The following PPP1R14C variants were observed in gnomAD, a reference collection of about 807,000 sequenced individuals.
The protein encoded by PPP1R14C is protein phosphatase 1 regulatory inhibitor subunit 14C, also known as protein phosphatase 1 regulatory subunit 14C.
In PPP1R14C, 16 loss-of-function variants were observed where a neutral mutation model predicts 20.4. The ratio of observed to expected loss-of-function variants is 0.78; its 90% CI spans 0.53 to 1.19. PPP1R14C has a LOEUF of 1.19. PPP1R14C is among the 50% of genes most tolerant of loss of function. The pLI is 0.00. For missense variants in PPP1R14C, 211 were observed against 220.1 expected, an observed-to-expected ratio of 0.96 and a Z score of 0.26; for synonymous variants, 91 against 91.0, an observed-to-expected ratio of 1.00 and a Z score of 0.00.
Position 150,143,052 on chromosome 6 carries a change from C to CGGGCGGCT in PPP1R14C, c.-135_-128dup. On this transcript the variant is annotated 5_prime_UTR_variant, in exon 1 of 4. Transcript: ENST00000361131. The surrounding 1 kb of genome is among the most constrained non-coding windows in gnomAD (Gnocchi z 5.6). ...GCTCCTCCCGCCCTCCCAGAGCAGC[C>CGGGCGGCT]GGGCGGCTGGGCGCGCGCGGCGCAG... 9.3e-7 allele frequency: 1 copy of CGGGCGGCT among 1,070,202 alleles called. No homozygotes were observed. The highest frequency in any genetic ancestry group is 1.1e-6 in the Non-Finnish European group (1 of 888,964). The allele number at this position is 1,070,202 out of a possible 1,614,324, so 66.3% of individuals were successfully genotyped here.
intron 3 of PPP1R14C, among the ~76,000 whole-genome samples, chr6:150,239,524 T>C (rs1349779023): frequency 6.6e-6 from 1 of 152,154 alleles, no homozygotes; most frequent in Non-Finnish European, 1.5e-5. Flanking sequence ...TATTTTAAAC[T>C]GAATGAAAAT....
chr6:150,167,397 G>A (rs1777435868), intron 1 of PPP1R14C, among the ~76,000 whole-genome samples: 1 of 152,066 alleles, frequency 6.6e-6, no homozygotes, highest in Admixed American at 6.6e-5. Context: ...AGCAGAAAGA[G>A]TAGCTTTGAG....
intron 1 of PPP1R14C, among the ~76,000 whole-genome samples, chr6:150,168,733 C>T (rs923594444): frequency 2.0e-5 from 3 of 152,030 alleles, no homozygotes; most frequent in Admixed American, 6.6e-5. Context: ...CAGATAACAC[C>T]AAATAATCAG....
intron 1 of PPP1R14C, among the ~76,000 whole-genome samples, chr6:150,189,003 T>C (rs1582909863): frequency 6.6e-6 from 1 of 151,718 alleles, no homozygotes; most frequent in African/African-American, 2.4e-5. Context: ...GGATCACAGG[T>C]GTGCGCCACC....
intron 1 of PPP1R14C, among the ~76,000 whole-genome samples, chr6:150,156,024 CAAAAAAAAAAAAAAAAA>C (rs67908012): frequency 3.4e-4 from 13 of 38,422 alleles, no homozygotes; most frequent in South Asian, 2.6e-3. Context: ...GACTCTGTCT[CAAAAAAAAAAAAAAAAA>C]AAAAAAAAAA....
At chr6:150,236,125 C>T (rs149596330) in intron 3 of PPP1R14C, among the ~76,000 whole-genome samples, 2 of 152,278 alleles carry the variant, frequency 1.3e-5, no homozygotes, top group African/African-American at 2.4e-5. Flanking sequence ...TATTAACCTA[C>T]GGTTTGAATC....
At chr6:150,174,407 G>T (rs933785182) in intron 1 of PPP1R14C, among the ~76,000 whole-genome samples, 6 of 149,286 alleles carry the variant, frequency 4.0e-5, no homozygotes, top group Middle Eastern at 3.5e-3. Context: ...TAGTAGAGAT[G>T]GGGTTTCACC....
chr6:150,204,302 G>A (rs79104214), intron 1 of PPP1R14C, among the ~76,000 whole-genome samples: 3 of 152,352 alleles, frequency 2.0e-5, no homozygotes, highest in East Asian at 3.9e-4. Context: ...AACCAGCTGT[G>A]CGTGTTTAGT....
chr6:150,155,612 CT>C (rs1777296997), intron 1 of PPP1R14C, among the ~76,000 whole-genome samples: 2 of 152,174 alleles, frequency 1.3e-5, no homozygotes, highest in East Asian at 3.8e-4. Context: ...CTGAGCAAAT[CT>C]TTTTTGTTTG....
intron 3 of PPP1R14C, among the ~76,000 whole-genome samples, chr6:150,231,308 C>T (rs949405744): frequency 3.3e-5 from 5 of 152,186 alleles, no homozygotes; most frequent in Admixed American, 6.5e-5. Flanking sequence ...ATTGCCTCTT[C>T]GATGTCTCCT....
chr6:150,209,727 T>A (rs1300548431), intron 1 of PPP1R14C, among the ~76,000 whole-genome samples: 1 of 151,356 alleles, frequency 6.6e-6, no homozygotes, highest in Non-Finnish European at 1.5e-5. Flanking sequence ...GTATGAGTAG[T>A]GTGGAGTGTG....
intron 1 of PPP1R14C, among the ~76,000 whole-genome samples, chr6:150,154,051 G>C (rs1777279092): frequency 6.6e-6 from 1 of 152,220 alleles, no homozygotes; most frequent in African/African-American, 2.4e-5. Context: ...CAGGGACTCT[G>C]TCCTGTTCAC....
At chr6:150,193,153 G>T (rs1777765953) in intron 1 of PPP1R14C, among the ~76,000 whole-genome samples, 1 of 152,108 alleles carries the variant, frequency 6.6e-6, no homozygotes, top group Non-Finnish European at 1.5e-5. Flanking sequence ...ACGTTACCAA[G>T]ACCAGTGCTT....
At chr6:150,176,762 C>T (rs1431249675) in intron 1 of PPP1R14C, among the ~76,000 whole-genome samples, 1 of 152,190 alleles carries the variant, frequency 6.6e-6, no homozygotes, top group Admixed American at 6.5e-5. Context: ...GGGCAGTGTC[C>T]TGCCGTGGCT....
intron 1 of PPP1R14C, among the ~76,000 whole-genome samples, chr6:150,181,920 A>G (rs1266699632): frequency 6.6e-6 from 1 of 152,208 alleles, no homozygotes; most frequent in Non-Finnish European, 1.5e-5. Context: ...GATTTGCAGT[A>G]TGTTTATCCC....
At chr6:150,145,322 A>C (rs1036000311) in intron 1 of PPP1R14C, among the ~76,000 whole-genome samples, 12 of 152,254 alleles carry the variant, frequency 7.9e-5, no homozygotes, top group Non-Finnish European at 1.3e-4. Flanking sequence ...AACCCGTAGC[A>C]AACAGCTAGA....
intron 1 of PPP1R14C, among the ~76,000 whole-genome samples, chr6:150,175,670 T>G (rs924629972): frequency 6.6e-6 from 1 of 152,164 alleles, no homozygotes; most frequent in Non-Finnish European, 1.5e-5. Context: ...ACCAGAACTG[T>G]TGCTTTGTAT....
At chr6:150,153,607 A>G (rs1777274646) in intron 1 of PPP1R14C, among the ~76,000 whole-genome samples, 2 of 152,282 alleles carry the variant, frequency 1.3e-5, no homozygotes, top group South Asian at 4.1e-4. Flanking sequence ...TCACAGAACA[A>G]GAATGAAAGC....
chr6:150,177,792 C>T (rs921482563), intron 1 of PPP1R14C, among the ~76,000 whole-genome samples: 3 of 152,086 alleles, frequency 2.0e-5, no homozygotes, highest in Non-Finnish European at 2.9e-5. Flanking sequence ...GGACCTGGGC[C>T]GCTTTCTCTG....
Sources: gnomAD v4.1 joint callset for allele counts (sites outside exome capture counted in the v4.1 genomes callset) on GRCh38, gnomAD v4.1.1 for gene constraint, Gnocchi (gnomAD v3.1) non-coding constraint, MANE v1.5 for transcripts, NCBI Gene and HGNC (gene_info 2026-07-23, HGNC 2026-07-21) for gene names.